The following ATRX variants were observed in gnomAD, a reference collection of about 807,000 sequenced individuals.
ATRX encodes ATRX chromatin remodeler.
In ATRX, 12 loss-of-function variants were observed where a neutral mutation model predicts 172.6. The observed-to-expected ratio is 0.07, with a 90% CI of 0.04 to 0.11. The LOEUF is 0.11. Among genes scored for constraint, ATRX ranks in the 10% least tolerant of loss-of-function variants. The pLI is 1.00. For missense variants in ATRX, 1,368 were observed against 1,767.4 expected (o/e 0.77, Z 4.05); for synonymous variants, 674 against 594.7 (o/e 1.13, Z -1.94).
Position 77,696,679 on chromosome X carries a change from C to T in ATRX, c.268G>A (p.Val90Ile). The T allele has an allele frequency of 8.3e-7, 1 of 1,198,311 alleles. No individual in the cohort carries two copies. Among genetic ancestry groups the T allele is most frequent in the Middle Eastern group, 2.3e-4 (1 of 4,259 alleles). The change falls in exon 5 of 35, where the codon GTA becomes ATA. Residue 90 changes from valine to isoleucine, a missense_variant. Physicochemically the swap from Val to Ile is conservative, Grantham distance 29. Transcript: ENST00000373344. The stretch of plus-strand genomic sequence containing the variant: ...AAAGGTTTTTCATCATCTGATTCTA[C>T]ATACTTTGTTACAATTGAAGGTTTC... ...KRKPSIVTKY[V>I]ESDDEKPLDD...
intron 9 of ATRX, among the ~76,000 whole-genome samples, chrX:77,676,743 T>C (rs1557133735): frequency 8.9e-6 from 1 of 112,724 alleles, no homozygotes; most frequent in African/African-American, 3.2e-5. Flanking sequence ...TGTATGGTAT[T>C]TGTGACCTGA....
intron 30 of ATRX, among the ~76,000 whole-genome samples, chrX:77,556,668 G>A (rs184085693): frequency 1.4e-4 from 16 of 111,562 alleles, no homozygotes; most frequent in Non-Finnish European, 2.3e-4. Context: ...CAATATTACT[G>A]ACTGTGAAAG....
At chrX:77,517,912 C>A (rs1445008052) in intron 34 of ATRX, among the ~76,000 whole-genome samples, 2 of 111,789 alleles carry the variant, frequency 1.8e-5, no homozygotes, top group Non-Finnish European at 3.8e-5. Context: ...GAATGAAGGA[C>A]AAAAACTGTA....
intron 1 of ATRX, among the ~76,000 whole-genome samples, chrX:77,759,692 C>T (rs1236543453): frequency 1.8e-5 from 2 of 109,865 alleles, no homozygotes; most frequent in South Asian, 3.9e-4. Flanking sequence ...CCAGCCTGGG[C>T]GACCCAGCGA....
intron 30 of ATRX, among the ~76,000 whole-genome samples, chrX:77,540,099 C>T (rs1199936955): frequency 1.8e-5 from 2 of 110,314 alleles, no homozygotes; most frequent in African/African-American, 6.6e-5. Context: ...CTCATAGGCT[C>T]AAAACAAAGA....
intron 14 of ATRX, among the ~76,000 whole-genome samples, chrX:77,652,598 G>C (rs2069311428): frequency 9.4e-6 from 1 of 106,805 alleles, no homozygotes; most frequent in Admixed American, 1.0e-4. Flanking sequence ...TCAGGAGATA[G>C]AGACCATCCT....
At chrX:77,784,706 A>G (rs782770471) in intron 1 of ATRX, among the ~76,000 whole-genome samples, 5 of 112,280 alleles carry the variant, frequency 4.5e-5, no homozygotes, top group African/African-American at 9.7e-5. Flanking sequence ...GAACTGAAGC[A>G]TATCTTTCCC....
chrX:77,558,965 T>C (rs933488243), intron 28 of ATRX, 119 bp from the exon 29 acceptor site: 17 of 556,145 alleles, frequency 3.1e-5, no homozygotes, highest in Non-Finnish European at 4.3e-5. Flanking sequence ...AGAGAATTCA[T>C]TTCTTACTTA....
Position 77,523,169 on chromosome X carries a change from T to C in ATRX, c.6849+83A>G. The C allele has an allele frequency of 2.7e-6, 3 of 1,103,279 alleles. No individual in the cohort carries two copies. The Admixed American group carries it at 6.6e-5, about 24-fold the overall frequency. 90.9% of individuals were successfully genotyped at this position (1,103,279 alleles called of 1,213,427 possible). A position where few individuals can be genotyped will look rare whatever the true frequency, so the allele number is the denominator to read the frequency against. On this transcript the variant is annotated intron_variant, in intron 31 of 34. Transcript: ENST00000373344. ...AAACCCACTATATTATTATTACCTG[T>C]TTCAAATGTGACCCTTTTCTTCTTC...
Position 77,507,973 on chromosome X carries a change from T to G in ATRX, c.*378A>C, listed in dbSNP as rs1309107316. Reference sequence around the variant, plus strand: ...GCTGTGTGTTTTTATATGTAAAGAATGAATATATAAATCTTTATTCTTTCC... The same window carrying G: ...GCTGTGTGTTTTTATATGTAAAGAAGGAATATATAAATCTTTATTCTTTCC... On this transcript the variant is annotated 3_prime_UTR_variant, in exon 35 of 35. Coordinates refer to ENST00000373344, the MANE Select transcript of ATRX (RefSeq NM_000489.6). 2 of 186,954 alleles carry G rather than the reference T, an allele frequency of 1.1e-5. No homozygotes were observed. The highest frequency in any genetic ancestry group is 2.0e-5 in the Non-Finnish European group (2 of 99,993). 15.4% of individuals were successfully genotyped at this position (186,954 alleles called of 1,213,427 possible). A position where few individuals can be genotyped will look rare whatever the true frequency, so the allele number is the denominator to read the frequency against.
intron 15 of ATRX, among the ~76,000 whole-genome samples, chrX:77,650,245 T>C (rs1320086868): frequency 8.9e-6 from 1 of 111,997 alleles, no homozygotes. Flanking sequence ...AGTTTTAAAG[T>C]ACCTCTTAAT....
chrX:77,739,738 G>C (rs1557181076), intron 1 of ATRX, among the ~76,000 whole-genome samples: 1 of 109,906 alleles, frequency 9.1e-6, no homozygotes, highest in African/African-American at 3.3e-5. Context: ...GTTTACGTGA[G>C]GTTATTTTTA....
chrX:77,600,413 A>G, intron 23 of ATRX, 21 bp downstream of exon 23: 1 of 1,208,608 alleles, frequency 8.3e-7, no homozygotes. Context: ...AGATGCTTTT[A>G]AACTAAGTTA....
At chrX:77,653,867 A>G (rs1278524643) in intron 14 of ATRX, among the ~76,000 whole-genome samples, 1 of 111,775 alleles carries the variant, frequency 8.9e-6, no homozygotes, top group Non-Finnish European at 1.9e-5. Flanking sequence ...TAAAATAATG[A>G]ATTAGAATGG....
At chrX:77,607,163 C>T (rs2066943681) in intron 22 of ATRX, among the ~76,000 whole-genome samples, 2 of 111,030 alleles carry the variant, frequency 1.8e-5, no homozygotes, top group South Asian at 3.7e-4. Context: ...AGAAATAAAG[C>T]GCATACAAAT....
chrX:77,652,382 C>T (rs368781438), intron 14 of ATRX, 29 bp from the exon 15 acceptor site: 50 of 1,178,529 alleles, frequency 4.2e-5, no homozygotes, highest in Non-Finnish European at 5.6e-5. Flanking sequence ...TAGAGGTAAA[C>T]AGTACAAAGT....
intron 10 of ATRX, among the ~76,000 whole-genome samples, chrX:77,666,692 T>C (rs921881614): frequency 1.8e-5 from 2 of 111,858 alleles, no homozygotes; most frequent in African/African-American, 6.5e-5. Context: ...AAACCCTGTC[T>C]CTACTAAAAG....
rs1344626341 is a variant in ATRX at position 77,589,572 on chromosome X, T to A, written c.6217+262A>T. Among the ~76,000 whole-genome samples the A allele has an allele frequency of 2.7e-5, 3 of 112,102 alleles. No individual in the cohort carries two copies. In the East Asian group the frequency reaches 8.3e-4, roughly 31 times the overall value. ...CTATGTGAGATGATAGATATGTTCA[T>A]CTGCTTCACTACAGTAGCCATTTTA... On this transcript the variant is annotated intron_variant, in intron 27 of 34. Transcript: ENST00000373344.
intron 1 of ATRX, among the ~76,000 whole-genome samples, chrX:77,737,570 A>T (rs1187311851): frequency 9.1e-6 from 1 of 110,164 alleles, no homozygotes; most frequent in East Asian, 2.8e-4. Context: ...ACTGTATTAA[A>T]TTAATTGTAC....
Sources: gnomAD v4.1 joint callset for allele counts (sites outside exome capture counted in the v4.1 genomes callset) on GRCh38, gnomAD v4.1.1 for gene constraint, MANE v1.5 for transcripts, NCBI Gene and HGNC (gene_info 2026-07-23, HGNC 2026-07-21) for gene names.